ZNF107: variants seen among roughly 807,000 people sequenced by gnomAD.
The protein encoded by ZNF107 is zinc finger protein 107, also known as C2H2 type zinc-finger protein.
In ZNF107, 19 loss-of-function variants were observed where a neutral mutation model predicts 12.3. The ratio of observed to expected loss-of-function variants is 1.55; its 90% CI spans 1.08 to 2.27. The LOEUF (loss-of-function observed/expected upper bound fraction) is 2.27. ZNF107 is among the 30% of genes most tolerant of loss of function. ZNF107 has a pLI of 0.00. For synonymous variants in ZNF107, 317 were observed against 330.5 expected, an observed-to-expected ratio of 0.96 and a Z score of 0.44; for missense variants, 958 against 979.9, an observed-to-expected ratio of 0.98 and a Z score of 0.30.
chr7:64,681,383 C>G (rs537009985), intron 1 of ZNF107, among the ~76,000 whole-genome samples: 1 of 152,190 alleles, frequency 6.6e-6, no homozygotes, highest in African/African-American at 2.4e-5. Context: ...ATCAGCACTC[C>G]TTTTTGCACT....
At chr7:64,686,789 G>T in intron 1 of ZNF107, 1 of 857,550 alleles carries the variant, frequency 1.2e-6, no homozygotes. Context: ...CCGCCACTTT[G>T]CCCTGTAAAG....
At chr7:64,677,472 G>A (rs200961011) in intron 1 of ZNF107, among the ~76,000 whole-genome samples, 17 of 19,772 alleles carry the variant, frequency 8.6e-4, no homozygotes, top group African/African-American at 3.4e-3. Flanking sequence ...GCACCTCGCC[G>A]GATTTTTTTT....
intron 1 of ZNF107, among the ~76,000 whole-genome samples, chr7:64,673,935 TTTG>T (rs139064149): frequency 2.0e-5 from 3 of 152,062 alleles, no homozygotes; most frequent in East Asian, 3.9e-4. Flanking sequence ...TGGTCTGTTT[TTTG>T]TTGTTGTTGT....
At chr7:64,687,025 G>T (rs898673992) in intron 1 of ZNF107, 14 of 985,294 alleles carry the variant, frequency 1.4e-5, no homozygotes, top group African/African-American at 1.0e-4. Flanking sequence ...TTTTTACAGA[G>T]AAATGTGTTT....
intron 1 of ZNF107, among the ~76,000 whole-genome samples, chr7:64,674,425 A>G (rs1021294368): frequency 5.9e-5 from 9 of 152,168 alleles, no homozygotes; most frequent in Non-Finnish European, 2.9e-5. Context: ...TTGTTGATGT[A>G]GAGGGATGCT....
At chr7:64,676,660 T>C (rs993243742) in intron 1 of ZNF107, among the ~76,000 whole-genome samples, 1 of 152,198 alleles carries the variant, frequency 6.6e-6, no homozygotes, top group Non-Finnish European at 1.5e-5. Context: ...CTAAATAAGA[T>C]GGTTAAAAGA....
chr7:64,702,523 T>C (rs1790508768), intron 3 of ZNF107, among the ~76,000 whole-genome samples: 1 of 152,166 alleles, frequency 6.6e-6, no homozygotes. Flanking sequence ...TTATTTTATA[T>C]TGTGTATTTG....
At chr7:64,675,703 A>G (rs974632418) in intron 1 of ZNF107, among the ~76,000 whole-genome samples, 2 of 152,042 alleles carry the variant, frequency 1.3e-5, no homozygotes, top group Non-Finnish European at 2.9e-5. Context: ...TTAAATTGAG[A>G]TCTTTTTAAC....
intron 1 of ZNF107, among the ~76,000 whole-genome samples, chr7:64,672,956 T>C (rs527438934): frequency 6.6e-6 from 1 of 152,352 alleles, no homozygotes; most frequent in African/African-American, 2.4e-5. Flanking sequence ...GCATCTGTTA[T>C]TAACAACAGC....
chr7:64,668,203 C>T (rs768982854), intron 1 of ZNF107, among the ~76,000 whole-genome samples: 6 of 151,716 alleles, frequency 4.0e-5, no homozygotes, highest in Non-Finnish European at 5.9e-5. Flanking sequence ...ATGTGCATAA[C>T]GTGCAGGTTT....
intron 3 of ZNF107, among the ~76,000 whole-genome samples, chr7:64,700,393 A>G (rs1429893722): frequency 1.3e-5 from 2 of 151,370 alleles, no homozygotes; most frequent in Non-Finnish European, 2.9e-5. Flanking sequence ...GTGTATGTTC[A>G]GTTATTCTTT....
chr7:64,676,001 A>G (rs895954764), intron 1 of ZNF107, among the ~76,000 whole-genome samples: 2 of 151,996 alleles, frequency 1.3e-5, no homozygotes, highest in African/African-American at 4.8e-5. Context: ...ACAGGCATGC[A>G]CCACCACGCC....
intron 3 of ZNF107, among the ~76,000 whole-genome samples, chr7:64,697,780 TC>T (rs1790341746): frequency 6.6e-6 from 1 of 150,846 alleles, no homozygotes; most frequent in Admixed American, 6.6e-5. Context: ...AAGCTCCGCC[TC>T]CCGGGTTCAC....
chr7:64,707,827 C>T lies in ZNF107; in HGVS notation c.1730C>T (p.Ser577Phe). Reference sequence around the variant, plus strand: ...GAATGTGGAAAAGCCTTTAATCAATCCTATCAACTTACTAGACATAAGATA... The same window carrying T: ...GAATGTGGAAAAGCCTTTAATCAATTCTATCAACTTACTAGACATAAGATA... ...CEECGKAFNQ[S>F]YQLTRHKIVH... Residue 577 changes from serine (S) to phenylalanine (F), a missense_variant, in exon 4 of 4, where the codon TCC (serine) becomes TTC (phenylalanine). Transcript: ENST00000620827. 1 of 1,611,924 alleles carries T rather than the reference C, an allele frequency of 6.2e-7. No individual in the cohort carries two copies. The highest frequency in any genetic ancestry group is 1.3e-5 in the African/African-American group (1 of 74,756).
Position 64,706,572 on chromosome 7 carries a change from A to G in ZNF107, c.475A>G (p.Asn159Asp), listed in dbSNP as rs773346128. The change falls in exon 4 of 4, where the codon AAT becomes GAT. Residue 159 changes from asparagine to aspartate, a missense_variant. Asn to Asp is a conservative substitution (Grantham distance 23). Transcript: ENST00000620827. ...TGTGAAAGTCTTTGATAAATTTTCAAATTCAAATAGATATAAGAGAAGACA... is the reference window on the plus strand; with the variant it reads ...TGTGAAAGTCTTTGATAAATTTTCAGATTCAAATAGATATAAGAGAAGACA... ...KYVKVFDKFSNSNRYKRRHTG... is the reference protein window; with the variant it reads ...KYVKVFDKFSDSNRYKRRHTG... 4.4e-6 allele frequency: 7 copies of G among 1,607,116 alleles called. No individual in the cohort carries two copies. The highest frequency in any genetic ancestry group is 1.1e-5 in the South Asian group (1 of 89,542).
chr7:64,697,976 G>A (rs375216772), intron 3 of ZNF107, among the ~76,000 whole-genome samples: 8 of 152,164 alleles, frequency 5.3e-5, no homozygotes, highest in South Asian at 2.1e-4. Context: ...CACCGCGCCC[G>A]GCCGGTAAAA....
chr7:64,673,964 A>T (rs1221867393), intron 1 of ZNF107, among the ~76,000 whole-genome samples: 1 of 151,536 alleles, frequency 6.6e-6, no homozygotes, highest in Non-Finnish European at 1.5e-5. Flanking sequence ...TTTTATTTTT[A>T]TTTATTTATT....
intron 1 of ZNF107, among the ~76,000 whole-genome samples, chr7:64,685,115 G>T (rs961426102): frequency 9.9e-5 from 15 of 152,126 alleles, no homozygotes; most frequent in African/African-American, 3.6e-4. Flanking sequence ...ACCCTGACAG[G>T]TCGTGCAGTT....
intron 3 of ZNF107, among the ~76,000 whole-genome samples, chr7:64,702,636 C>A (rs1421783128): frequency 6.6e-6 from 1 of 151,998 alleles, no homozygotes; most frequent in Non-Finnish European, 1.5e-5. Context: ...CGGCTCACCA[C>A]AACCTCTGCC....
Sources: gnomAD v4.1 joint callset for allele counts (sites outside exome capture counted in the v4.1 genomes callset) on GRCh38, gnomAD v4.1.1 for gene constraint, MANE v1.5 for transcripts, NCBI Gene and HGNC (gene_info 2026-07-23, HGNC 2026-07-21) for gene names.